Variants in ZNF536 observed in about 807,000 individuals in gnomAD.
The protein encoded by ZNF536 is zinc finger protein 536.
Under a neutral mutation model 84.5 loss-of-function variants are expected in ZNF536, and 13 were observed. That is an observed-to-expected ratio of 0.15 (90% CI 0.10 to 0.24). The LOEUF (loss-of-function observed/expected upper bound fraction) is 0.24. Among genes scored for constraint, ZNF536 ranks in the 10% least tolerant of loss-of-function variants. The pLI, the probability that ZNF536 is intolerant of heterozygous loss-of-function variation, is 1.00. For missense variants in ZNF536, 1,536 were observed against 1,747.5 expected, an observed-to-expected ratio of 0.88 and a Z score of 2.16; for synonymous variants, 811 against 742.5, an observed-to-expected ratio of 1.09 and a Z score of -1.50.
intron 2 of ZNF536, among the ~76,000 whole-genome samples, chr19:30,312,584 TA>T (rs1260738993): frequency 1.3e-5 from 2 of 152,248 alleles, no homozygotes; most frequent in African/African-American, 4.8e-5. Context: ...ATAAAAATCA[TA>T]AAATTTACAA....
Position 30,332,563 on chromosome 19 carries a change from C to T in ZNF536, c.-119-19805C>T, listed in dbSNP as rs73018888. Among the ~76,000 whole-genome samples the T allele has an allele frequency of 1.0e-2, 1,522 of 152,288 alleles. 15 individuals carry two copies. The highest frequency in any genetic ancestry group is 0.017 in the Non-Finnish European group (1,145 of 68,022). On this transcript the variant is annotated intron_variant, in intron 2 of 5. Coordinates refer to the ZNF536 transcript ENST00000585628. ...CTCAAATATCCCCTCCTCAGAAAGC[C>T]GTTGTTCCACCTCCCTATATAAAAT...
upstream of ZNF536, among the ~76,000 whole-genome samples, chr19:30,226,731 G>C (rs1384655209): frequency 6.6e-6 from 1 of 152,158 alleles, no homozygotes; most frequent in African/African-American, 2.4e-5. This position sits in a 1 kb window ranked among gnomAD's most constrained non-coding sequence, Gnocchi z 4.6. Flanking sequence ...CCAGTCCCAG[G>C]CTGGAGAAAT....
intron 2 of ZNF536, among the ~76,000 whole-genome samples, chr19:30,299,823 A>G (rs1335598473): frequency 6.6e-6 from 1 of 152,166 alleles, no homozygotes; most frequent in Non-Finnish European, 1.5e-5. Context: ...CATGGTACAC[A>G]TGTGCCATTT....
At position 30,528,281 on chromosome 19, in the gene ZNF536, G is replaced by T. The variant is rs143124683; in HGVS notation, c.2171-6566G>T. Among the ~76,000 whole-genome samples, 826 of 152,176 alleles carry T rather than the reference G, an allele frequency of 5.4e-3. 9 individuals are homozygous for T. The highest frequency in any genetic ancestry group is 0.015 in the African/African-American group (633 of 41,510). On this transcript the variant is annotated intron_variant, in intron 2 of 4. Coordinates refer to ENST00000355537, the MANE Select transcript of ZNF536 (RefSeq NM_014717.3). Reference sequence around the variant, plus strand: ...AAATGTACTTCTGGGCATCTGAAGGGTAAGGCTGCCAGCGAGTTGGGATGA... The same window carrying T: ...AAATGTACTTCTGGGCATCTGAAGGTTAAGGCTGCCAGCGAGTTGGGATGA...
At chr19:30,711,427 A>G (rs2144796973) in exon 2 of ZNF536, 1 of 152,290 alleles carries the variant, frequency 6.6e-6, no homozygotes, top group Non-Finnish European at 1.5e-5. Context: ...ACACCTCTAT[A>G]ATCTGACACC....
intron 2 of ZNF536, among the ~76,000 whole-genome samples, chr19:30,307,790 G>A (rs1022394514): frequency 2.0e-5 from 3 of 152,164 alleles, no homozygotes; most frequent in Non-Finnish European, 4.4e-5. Flanking sequence ...AATGCAATAA[G>A]GTTGTGGTGC....
At chr19:30,473,977 T>C (rs2053745225) in intron 2 of ZNF536, among the ~76,000 whole-genome samples, 1 of 152,230 alleles carries the variant, frequency 6.6e-6, no homozygotes, top group Non-Finnish European at 1.5e-5. Flanking sequence ...GTTTCTAGTT[T>C]GTAAAGCTGT....
intron 2 of ZNF536, among the ~76,000 whole-genome samples, chr19:30,478,164 T>C (rs1302794160): frequency 6.6e-6 from 1 of 151,586 alleles, no homozygotes; most frequent in African/African-American, 2.4e-5. Context: ...TGTTTTTTTT[T>C]TTTTTTTTCC....
rs2148198870 is a variant in ZNF536, at chr19:30,444,798, T to C, written c.1236T>C (p.Pro412=). ...KNKSPSDPEV[P]VPMGGMSQEA... is the part of the protein sequence containing the mutation. ...AGTCCCCCAGCGACCCCGAGGTGCC[T>C]GTGCCCATGGGCGGCATGTCCCAGG... The change falls in exon 2 of 5, where the codon CCT becomes CCC. Residue 412 remains proline (P), a synonymous_variant. Coordinates refer to ENST00000355537, the MANE Select transcript of ZNF536 (RefSeq NM_014717.3). 6.2e-7 allele frequency: 1 copy of C among 1,613,900 alleles called. No homozygotes were observed. The highest frequency in any genetic ancestry group is 1.1e-5 in the South Asian group (1 of 91,084).
chr19:30,286,763 A>G (rs1326244261), intron 2 of ZNF536, among the ~76,000 whole-genome samples: 1 of 152,266 alleles, frequency 6.6e-6, no homozygotes, highest in African/African-American at 2.4e-5. Context: ...GTGCACCCAC[A>G]TACATGTATA....
At chr19:30,428,291 C>T (rs2051301585) in intron 1 of ZNF536, among the ~76,000 whole-genome samples, 1 of 152,212 alleles carries the variant, frequency 6.6e-6, no homozygotes, top group Admixed American at 6.5e-5. Flanking sequence ...CTTTGCAGAG[C>T]ACCTGCCCTG....
intron 1 of ZNF536, among the ~76,000 whole-genome samples, chr19:30,263,303 C>T (rs2025324833): frequency 6.6e-6 from 1 of 152,150 alleles, no homozygotes; most frequent in Non-Finnish European, 1.5e-5. Context: ...TTACTGGGTC[C>T]CTGCCCTGTC....
intron 1 of ZNF536, among the ~76,000 whole-genome samples, chr19:30,589,665 A>T (rs1339401011): frequency 1.3e-5 from 2 of 152,174 alleles, no homozygotes; most frequent in African/African-American, 2.4e-5. Context: ...CAAGCTGGTC[A>T]CCATAGTGAG....
intron 1 of ZNF536, among the ~76,000 whole-genome samples, chr19:30,635,522 C>T (rs1600104369): frequency 6.6e-6 from 1 of 152,306 alleles, no homozygotes; most frequent in Middle Eastern, 3.4e-3. Flanking sequence ...CTGTGCGGAT[C>T]CTCGGCTCCC....
rs573305996 is a variant in ZNF536, at chr19:30,387,887, G to A, written c.-3+15331G>A. Among the ~76,000 whole-genome samples, 7 of 152,286 alleles carry A rather than the reference G, an allele frequency of 4.6e-5. 1 individual carries two copies. Among genetic ancestry groups the A allele is most frequent in the East Asian group, 1.9e-4 (1 of 5,166 alleles). Reference sequence around the variant, plus strand: ...TGGGGTTGGGGAATGTTCTCGAGACGCAGGTGTCCAGGCTGGTTGGTCAGT... The same window carrying A: ...TGGGGTTGGGGAATGTTCTCGAGACACAGGTGTCCAGGCTGGTTGGTCAGT... On this transcript the variant is annotated intron_variant, in intron 1 of 4. Transcript: ENST00000355537.
chr19:30,529,757 A>G (rs1437421042), intron 2 of ZNF536, among the ~76,000 whole-genome samples: 1 of 152,168 alleles, frequency 6.6e-6, no homozygotes, highest in African/African-American at 2.4e-5. Context: ...GCTTGTAGGC[A>G]CGGGCAGAGG....
At chr19:30,642,321 C>T (rs2147348075) in intron 1 of ZNF536, among the ~76,000 whole-genome samples, 1 of 152,132 alleles carries the variant, frequency 6.6e-6, no homozygotes. Context: ...CACTTGGGGC[C>T]CATTTCAACC....
At chr19:30,495,823 C>T (rs918713568) in intron 2 of ZNF536, among the ~76,000 whole-genome samples, 1 of 152,174 alleles carries the variant, frequency 6.6e-6, no homozygotes, top group East Asian at 1.9e-4. Flanking sequence ...AAAGACACAA[C>T]GCAGGGAAAG....
chr19:30,669,566 T>C (rs926329161), intron 1 of ZNF536, among the ~76,000 whole-genome samples: 1 of 152,114 alleles, frequency 6.6e-6, no homozygotes, highest in Non-Finnish European at 1.5e-5. Context: ...CCCCGGAGAA[T>C]CCCACTCTCC....
Sources: allele counts gnomAD v4.1 joint callset (sites outside exome capture counted in the v4.1 genomes callset), GRCh38; gene constraint gnomAD v4.1.1; non-coding constraint Gnocchi (gnomAD v3.1); transcripts MANE v1.5; gene names NCBI Gene and HGNC (gene_info 2026-07-23, HGNC 2026-07-21).